Variants in RAET1E observed in about 807,000 individuals in gnomAD.
RAET1E encodes retinoic acid early transcript 1E, also known as NKG2D ligand 4.
Under a neutral mutation model 21.1 loss-of-function variants are expected in RAET1E, and 27 were observed. That is an observed-to-expected ratio of 1.28 (90% confidence interval 0.94 to 1.76). RAET1E has a LOEUF of 1.76. Among genes scored for constraint, RAET1E ranks in the 40% most tolerant of loss-of-function variants. The pLI, the probability that RAET1E is intolerant of heterozygous loss-of-function variation, is 0.00. For synonymous variants in RAET1E, 113 were observed against 115.0 expected (o/e 0.98, Z 0.11); for missense variants, 310 against 311.3 (o/e 1.00, Z 0.03).
In RAET1E at chr6:149,889,899, T is replaced by A; in HGVS notation, c.332A>T (p.Gln111Leu). The change falls in exon 4 of 6, where the codon CAG becomes CTG. Residue 111 changes from glutamine to leucine, a missense_variant. Transcript: ENST00000357183. ...LRMLLCDIKPQIKTSDPSTLQ... is the reference protein window; with the variant it reads ...LRMLLCDIKPLIKTSDPSTLQ... ...TCCACACTTACCACTGGTCTTTATC[T>A]GGGGTTTGATGTCACAAAGGAGCAT... The A allele has an allele frequency of 6.2e-7, 1 of 1,613,624 alleles. No individual in the cohort carries two copies. The highest frequency in any genetic ancestry group is 1.3e-5 in the African/African-American group (1 of 75,002).
rs540739776 is a variant in RAET1E at position 149,888,366 on chromosome 6, G to T, written c.*132C>A. The T allele has an allele frequency of 7.4e-5, 81 of 1,098,664 alleles. No individual in the cohort carries two copies. Among genetic ancestry groups the T allele is most frequent in the Middle Eastern group, 4.8e-4 (2 of 4,142 alleles). The allele number at this position is 1,098,664 out of a possible 1,614,324, so 68.1% of individuals were successfully genotyped here. A position where few individuals can be genotyped will look rare whatever the true frequency, so the allele number is the denominator to read the frequency against. Reference sequence around the variant, plus strand: ...TTCATCCCTCCTCTCACTGCACATTGTGCTGCCAGCCCTGCTGTGTAGTGT... The same window carrying T: ...TTCATCCCTCCTCTCACTGCACATTTTGCTGCCAGCCCTGCTGTGTAGTGT... On this transcript the variant is annotated 3_prime_UTR_variant, in exon 6 of 6. Coordinates refer to ENST00000357183, the MANE Select transcript of RAET1E (RefSeq NM_001394057.1).
intron 5 of RAET1E, among the ~76,000 whole-genome samples, chr6:149,888,886 G>A (rs1777746675): frequency 6.6e-6 from 1 of 152,116 alleles, no homozygotes; most frequent in African/African-American, 2.4e-5. Context: ...ACTGAGAGAG[G>A]TAGCAAATAT....
chr6:149,896,271 A>C (rs919335837), intron 1 of RAET1E: 3 of 152,184 alleles, frequency 2.0e-5, no homozygotes, highest in Non-Finnish European at 2.9e-5. Flanking sequence ...TCCTTTCTTA[A>C]CTAGATGGAA....
At chr6:149,889,206 A>G (rs1253391068) in intron 5 of RAET1E, 142 bp downstream of exon 5, 1 of 1,452,190 alleles carries the variant, frequency 6.9e-7, no homozygotes, top group East Asian at 2.5e-5. Context: ...GGAAATCCTT[A>G]TAGCCATCAC....
intron 2 of RAET1E, among the ~76,000 whole-genome samples, chr6:149,893,085 G>A (rs1156707978): frequency 1.3e-5 from 2 of 152,188 alleles, no homozygotes; most frequent in South Asian, 4.1e-4. Context: ...CCAGCACCAT[G>A]CTATTTTGGT....
intron 2 of RAET1E, among the ~76,000 whole-genome samples, chr6:149,893,966 GT>G (rs1178044422): frequency 6.6e-6 from 1 of 152,162 alleles, no homozygotes; most frequent in Non-Finnish European, 1.5e-5. Context: ...TAATCATGTG[GT>G]TTTTGTCATC....
rs1415271263 is a variant in RAET1E, at chr6:149,887,068, G to C, written c.*1430C>G. 6.6e-6 allele frequency among the ~76,000 whole-genome samples: 1 copy of C among 152,090 alleles called. No individual in the cohort carries two copies. The highest frequency in any genetic ancestry group is 1.5e-5 in the Non-Finnish European group (1 of 68,010). ...TCAGCTGTGGGCACTGACCTCCACCGGCGCTTGATCCCTGCCTGCTCCTGC... is the reference window on the plus strand; with the variant it reads ...TCAGCTGTGGGCACTGACCTCCACCCGCGCTTGATCCCTGCCTGCTCCTGC... On this transcript the variant is annotated 3_prime_UTR_variant, in exon 6 of 6. Transcript: ENST00000357183.
chr6:149,888,692 A>AAG (rs1562464047), intron 5 of RAET1E, 25 bp from the exon 6 acceptor site: 29 of 1,468,938 alleles, frequency 2.0e-5, no homozygotes, highest in East Asian at 1.8e-4. Flanking sequence ...AAAAAGAAAA[A>AAG]AAAGCACAAG....
rs373692663 is a variant in RAET1E at position 149,889,916 on chromosome 6, A to G, written c.315T>C (p.Leu105=). ...GEVGRDLRML[L]CDIKPQIKTS... ...TCTTTATCTGGGGTTTGATGTCACA[A>G]AGGAGCATCCTGAGGTCTCGCCCCA... The change falls in exon 4 of 6, where the codon CTT becomes CTC. Residue 105 remains leucine (L), a synonymous_variant. Coordinates refer to ENST00000357183, the MANE Select transcript of RAET1E (RefSeq NM_001394057.1). 1.9e-6 allele frequency: 3 copies of G among 1,613,850 alleles called. No individual in the cohort carries two copies. Among genetic ancestry groups the G allele is most frequent in the African/African-American group, 2.7e-5 (2 of 74,844 alleles).
chr6:149,889,108 C>T (rs1173120189), intron 5 of RAET1E: 3 of 1,423,160 alleles, frequency 2.1e-6, no homozygotes, highest in Non-Finnish European at 2.7e-6. Context: ...AGCAGTGGGT[C>T]ATTGTGACTG....
intron 2 of RAET1E, among the ~76,000 whole-genome samples, chr6:149,891,704 T>C (rs1044071970): frequency 6.6e-6 from 1 of 152,078 alleles, no homozygotes; most frequent in African/African-American, 2.4e-5. Flanking sequence ...CTGGGCAACA[T>C]AGTAAGACTC....
intron 1 of RAET1E, among the ~76,000 whole-genome samples, chr6:149,897,528 C>T (rs1370644857): frequency 6.6e-6 from 1 of 152,128 alleles, no homozygotes; most frequent in African/African-American, 2.4e-5. Context: ...TGGCAGTGTG[C>T]CCTGGGCTTC....
rs965526013 is a variant in RAET1E at position 149,884,359 on chromosome 6, A to G, written c.*4139T>C. 114 of 874,458 alleles carry G rather than the reference A, an allele frequency of 1.3e-4. 2 individuals carry two copies. The highest frequency in any genetic ancestry group is 1.1e-4 in the Non-Finnish European group (60 of 555,112). The allele number at this position is 874,458 out of a possible 1,614,324, so 54.2% of individuals were successfully genotyped here. A position where few individuals can be genotyped will look rare whatever the true frequency, so the allele number is the denominator to read the frequency against. On this transcript the variant is annotated 3_prime_UTR_variant, in exon 6 of 6. Coordinates refer to ENST00000357183, the MANE Select transcript of RAET1E (RefSeq NM_001394057.1). ...TGCTCTGTTGCCAAGACTGGAATGC[A>G]GAGGCGCGATCTCCGCTCATTGCAG... is the stretch of plus-strand genomic sequence containing the variant.
intron 1 of RAET1E, among the ~76,000 whole-genome samples, chr6:149,897,286 C>T (rs1052838847): frequency 1.3e-4 from 20 of 152,286 alleles, no homozygotes; most frequent in African/African-American, 4.6e-4. Context: ...CCTCCCCCCT[C>T]AGCCTCCCAA....
chr6:149,888,173 C>G lies in RAET1E; in HGVS notation c.*325G>C, dbSNP rs9322228. On this transcript the variant is annotated 3_prime_UTR_variant, in exon 6 of 6. Coordinates refer to ENST00000357183, the MANE Select transcript of RAET1E (RefSeq NM_001394057.1). ...CACCAGCAAGTCTTCTCAGGGTGAA[C>G]GGGAAAAGGGGATGGGACCTGCTGA... The G allele has an allele frequency of 0.44, 252,804 of 574,044 alleles. 58,808 individuals are homozygous for G. Among genetic ancestry groups the G allele is most frequent in the East Asian group, 0.88 (19,962 of 22,740 alleles). The allele number at this position is 574,044 out of a possible 1,614,324, so 35.6% of individuals were successfully genotyped here. A position where few individuals can be genotyped will look rare whatever the true frequency, so the allele number is the denominator to read the frequency against.
chr6:149,888,365 T>C lies in RAET1E; in HGVS notation c.*133A>G. The C allele has an allele frequency of 9.1e-7, 1 of 1,093,428 alleles. No homozygotes were observed. Among genetic ancestry groups the C allele is most frequent in the South Asian group, 1.5e-5 (1 of 68,302 alleles). The allele number at this position is 1,093,428 out of a possible 1,614,324, so 67.7% of individuals were successfully genotyped here. A position where few individuals can be genotyped will look rare whatever the true frequency, so the allele number is the denominator to read the frequency against. ...CTTCATCCCTCCTCTCACTGCACAT[T>C]GTGCTGCCAGCCCTGCTGTGTAGTG... On this transcript the variant is annotated 3_prime_UTR_variant, in exon 6 of 6. Transcript: ENST00000357183.
rs1777495186 is a variant in RAET1E, at chr6:149,883,704, C to CAAACAAACAAAT, written c.*4793_*4794insATTTGTTTGTTT. ...AGAGTGAGACTCTGTCTCAAAAAAA[C>CAAACAAACAAAT]AAACAAACAAACAAAGAATTACTTG... On this transcript the variant is annotated 3_prime_UTR_variant, in exon 6 of 6. Coordinates refer to ENST00000357183, the MANE Select transcript of RAET1E (RefSeq NM_001394057.1). 1.3e-5 allele frequency: 2 copies of CAAACAAACAAAT among 155,932 alleles called. No homozygotes were observed. Among genetic ancestry groups the CAAACAAACAAAT allele is most frequent in the African/African-American group, 4.8e-5 (2 of 41,486 alleles). The allele number at this position is 155,932 out of a possible 1,614,324, so 9.7% of individuals were successfully genotyped here.
At position 149,884,365 on chromosome 6, in the gene RAET1E, G is replaced by A. The variant is rs923789040; in HGVS notation, c.*4133C>T. 14 of 917,072 alleles carry A rather than the reference G, an allele frequency of 1.5e-5. No homozygotes were observed. Among genetic ancestry groups the A allele is most frequent in the Non-Finnish European group, 2.4e-5 (14 of 590,674 alleles). 56.8% of individuals were successfully genotyped at this position (917,072 alleles called of 1,614,324 possible). A position where few individuals can be genotyped will look rare whatever the true frequency, so the allele number is the denominator to read the frequency against. The stretch of plus-strand genomic sequence containing the variant: ...GTTGCCAAGACTGGAATGCAGAGGC[G>A]CGATCTCCGCTCATTGCAGGCTCCG... On this transcript the variant is annotated 3_prime_UTR_variant, in exon 6 of 6. Coordinates refer to ENST00000357183, the MANE Select transcript of RAET1E (RefSeq NM_001394057.1).
At chr6:149,891,512 A>G (rs548778804) in intron 2 of RAET1E, among the ~76,000 whole-genome samples, 3 of 133,630 alleles carry the variant, frequency 2.2e-5, no homozygotes, top group Non-Finnish European at 4.5e-5. Context: ...GTGTAATTGT[A>G]ATAAAACATA....
Sources: gnomAD v4.1 joint callset for allele counts (sites outside exome capture counted in the v4.1 genomes callset) on GRCh38, gnomAD v4.1.1 for gene constraint, MANE v1.5 for transcripts, NCBI Gene and HGNC (gene_info 2026-07-23, HGNC 2026-07-21) for gene names.